The following STK31 variants were observed in gnomAD, a reference collection of about 807,000 sequenced individuals.
The protein encoded by STK31 is serine/threonine kinase 31, also known as serine/threonine-protein kinase 31.
A neutral mutation model predicts 129.7 loss-of-function variants in STK31; 89 were observed. That is an observed-to-expected ratio of 0.69 (90% CI 0.58 to 0.82). STK31 has a LOEUF of 0.82. Ranked by LOEUF, STK31 falls within the 40% of genes least tolerant of loss-of-function variation. The pLI, the probability that STK31 is intolerant of heterozygous loss-of-function variation, is 0.00. For missense variants in STK31, 1,187 were observed against 1,176.4 expected, an observed-to-expected ratio of 1.01 and a Z score of -0.13; for synonymous variants, 448 against 395.3, an observed-to-expected ratio of 1.13 and a Z score of -1.58.
chr7:23,798,370 A>T (rs555384120), intron 22 of STK31, among the ~76,000 whole-genome samples: 1 of 151,818 alleles, frequency 6.6e-6, no homozygotes, highest in Non-Finnish European at 1.5e-5. Flanking sequence ...TGGCAAACTG[A>T]ATTCAGCAGC....
intron 22 of STK31, among the ~76,000 whole-genome samples, chr7:23,804,108 G>A (rs1190241774): frequency 6.6e-6 from 1 of 151,880 alleles, no homozygotes. Flanking sequence ...TTAAGAGATG[G>A]GGTCTCACTA....
intron 11 of STK31, among the ~76,000 whole-genome samples, chr7:23,767,459 G>A (rs1213245905): frequency 1.3e-5 from 2 of 152,200 alleles, no homozygotes; most frequent in East Asian, 3.9e-4. Context: ...GTTGCCATCT[G>A]GGATTATCTA....
Position 23,807,059 on chromosome 7 carries a change from C to T in STK31, c.2761-8085C>T, listed in dbSNP as rs553124111. On this transcript the variant is annotated intron_variant, in intron 22 of 23. Coordinates refer to ENST00000355870, the MANE Select transcript of STK31 (RefSeq NM_031414.5). ...ACTGGTCATTCCTGTCTTATCAGAT[C>T]CAAATGCAGAGAACTTGGAGGAGGT... Among the ~76,000 whole-genome samples, 10 of 152,216 alleles carry T rather than the reference C, an allele frequency of 6.6e-5. No homozygotes were observed. In the South Asian group the frequency reaches 2.1e-3, roughly 32 times the overall value.
In STK31 at chr7:23,710,274, C is replaced by G. The variant is rs200238015; in HGVS notation, c.-12C>G. 59 of 1,610,492 alleles carry G rather than the reference C, an allele frequency of 3.7e-5. No individual in the cohort carries two copies. The African/African-American group carries it at 6.7e-4, about 18-fold the overall frequency. On this transcript the variant is annotated 5_prime_UTR_variant, in exon 1 of 24. Coordinates refer to ENST00000355870, the MANE Select transcript of STK31 (RefSeq NM_031414.5). Reference sequence around the variant, plus strand: ...ACGTGTGCTACGGCGGGCGGAGGGCCGAAAGTCCAGTATGTGGGTCCAGGG... The same window carrying G: ...ACGTGTGCTACGGCGGGCGGAGGGCGGAAAGTCCAGTATGTGGGTCCAGGG...
chr7:23,827,922 C>T (rs1794275719), intron 23 of STK31, among the ~76,000 whole-genome samples: 1 of 152,110 alleles, frequency 6.6e-6, no homozygotes, highest in African/African-American at 2.4e-5. Context: ...ACTGGTGAAC[C>T]ACAAATGCTG....
chr7:23,717,097 CTTTTTTTTTTTT>C lies in STK31; in HGVS notation c.151-367_151-356del, dbSNP rs70956911. Among the ~76,000 whole-genome samples the C allele has an allele frequency of 1.9e-3, 81 of 42,956 alleles. 1 individual carries two copies. Among genetic ancestry groups the C allele is most frequent in the Admixed American group, 6.7e-3 (22 of 3,282 alleles). The allele number at this position is 42,956 out of a possible 152,430, so 28.2% of individuals were successfully genotyped here. A position where few individuals can be genotyped will look rare whatever the true frequency, so the allele number is the denominator to read the frequency against. On this transcript the variant is annotated intron_variant, in intron 3 of 23. Transcript: ENST00000355870. ...TACAGGTGTGAGCCATCGCAACCTG[CTTTTTTTTTTTT>C]TTTTTTTTTTTTTTTTAGCATTTCT...
At chr7:23,734,641 C>G (rs1039577212) in intron 6 of STK31, among the ~76,000 whole-genome samples, 1 of 152,122 alleles carries the variant, frequency 6.6e-6, no homozygotes, top group African/African-American at 2.4e-5. Context: ...AGTTGTAGCC[C>G]TCTTAAGCAA....
At chr7:23,710,148 C>G, upstream of STK31, 5 of 1,486,184 alleles carry the variant, frequency 3.4e-6, no homozygotes, top group Non-Finnish European at 4.6e-6. Context: ...CAGGCCGTGG[C>G]TGCCACGTGA....
At chr7:23,735,992 G>A in intron 7 of STK31, 96 bp downstream of exon 7, 2 of 1,026,808 alleles carry the variant, frequency 1.9e-6, no homozygotes, top group Non-Finnish European at 2.8e-6. Context: ...ATCCTTTACT[G>A]TGTCAGTGAT....
chr7:23,732,002 A>C (rs1278831231), intron 6 of STK31, among the ~76,000 whole-genome samples: 2 of 152,252 alleles, frequency 1.3e-5, no homozygotes, highest in East Asian at 3.8e-4. Context: ...ACCAGTGACC[A>C]GATTTATTTT....
At chr7:23,713,284 CATATT>C (rs988029097) in intron 3 of STK31, among the ~76,000 whole-genome samples, 7 of 152,080 alleles carry the variant, frequency 4.6e-5, no homozygotes, top group Admixed American at 6.5e-5. Context: ...ACAGTAAAAA[CATATT>C]ATAAAAGATT....
intron 14 of STK31, 31 bp downstream of exon 14, chr7:23,771,155 T>C (rs1045634577): frequency 3.0e-5 from 45 of 1,505,478 alleles, no homozygotes; most frequent in Admixed American, 9.7e-5. Flanking sequence ...ATTGATCTTA[T>C]AAATTGATGA....
chr7:23,810,129 G>A (rs1201531049), intron 22 of STK31, among the ~76,000 whole-genome samples: 1 of 151,972 alleles, frequency 6.6e-6, no homozygotes, highest in African/African-American at 2.4e-5. Flanking sequence ...TTAGTAGATT[G>A]ATACTTTTAT....
intron 22 of STK31, among the ~76,000 whole-genome samples, chr7:23,798,766 A>G (rs1026583726): frequency 2.0e-5 from 3 of 152,142 alleles, no homozygotes; most frequent in Non-Finnish European, 2.9e-5. Flanking sequence ...CAGGCAAGAG[A>G]AAGAAAGGGT....
At chr7:23,830,454 A>C (rs184799936) in intron 23 of STK31, among the ~76,000 whole-genome samples, 9 of 151,984 alleles carry the variant, frequency 5.9e-5, no homozygotes, top group Admixed American at 3.9e-4. Flanking sequence ...TTGATTTTCA[A>C]TTGTTCTAAG....
At chr7:23,802,335 A>G (rs932495184) in intron 22 of STK31, among the ~76,000 whole-genome samples, 1 of 152,186 alleles carries the variant, frequency 6.6e-6, no homozygotes, top group Non-Finnish European at 1.5e-5. Flanking sequence ...TATTCTTCCA[A>G]CGACCTCCCG....
intron 8 of STK31, among the ~76,000 whole-genome samples, chr7:23,741,993 G>A (rs1788081178): frequency 6.6e-6 from 1 of 152,248 alleles, no homozygotes; most frequent in African/African-American, 2.4e-5. Context: ...CCACCCTGGT[G>A]AACAGCATGG....
intron 8 of STK31, among the ~76,000 whole-genome samples, chr7:23,739,826 G>A (rs1787948345): frequency 6.6e-6 from 1 of 152,070 alleles, no homozygotes; most frequent in Admixed American, 6.5e-5. Flanking sequence ...CTGTTCCATT[G>A]ATCTTTATAT....
intron 19 of STK31, 87 bp downstream of exon 19, chr7:23,786,720 A>G: frequency 6.4e-7 from 1 of 1,552,396 alleles, no homozygotes; most frequent in Non-Finnish European, 8.7e-7. Flanking sequence ...TCCAGGTTTT[A>G]GAGCAGCAGT....
Sources: allele counts gnomAD v4.1 joint callset (sites outside exome capture counted in the v4.1 genomes callset), GRCh38; gene constraint gnomAD v4.1.1; transcripts MANE v1.5; gene names NCBI Gene and HGNC (gene_info 2026-07-23, HGNC 2026-07-21).